The following MYO1D variants were observed in gnomAD, a reference collection of about 807,000 sequenced individuals.
The protein encoded by MYO1D is myosin ID.
Under a neutral mutation model 122.0 loss-of-function variants are expected in MYO1D, and 83 were observed. That is an observed-to-expected ratio of 0.68 (90% confidence interval 0.57 to 0.82). The LOEUF is 0.82. MYO1D is among the 40% of genes least tolerant of loss of function. The pLI, the probability that MYO1D is intolerant of heterozygous loss-of-function variation, is 0.00. For missense variants in MYO1D, 1,157 were observed against 1,269.5 expected (o/e 0.91, Z 1.35); for synonymous variants, 464 against 446.9 (o/e 1.04, Z -0.48).
At chr17:32,538,867 G>A (rs1182027844) in intron 21 of MYO1D, among the ~76,000 whole-genome samples, 1 of 152,142 alleles carries the variant, frequency 6.6e-6, no homozygotes, top group Non-Finnish European at 1.5e-5. Flanking sequence ...AACACCGCAT[G>A]TTCTTGCTCA....
At chr17:32,524,235 T>A (rs1022254915) in intron 21 of MYO1D, among the ~76,000 whole-genome samples, 2 of 152,244 alleles carry the variant, frequency 1.3e-5, no homozygotes, top group Non-Finnish European at 2.9e-5. Context: ...ATCATTTTGC[T>A]TTTGTCTTTG....
intron 16 of MYO1D, among the ~76,000 whole-genome samples, chr17:32,681,698 G>T (rs2088919882): frequency 6.7e-6 from 1 of 149,656 alleles, no homozygotes; most frequent in Admixed American, 6.6e-5. Context: ...GAATAGGTGT[G>T]GTGTGGTGCT....
intron 21 of MYO1D, among the ~76,000 whole-genome samples, chr17:32,596,243 G>A (rs1261472427): frequency 6.6e-6 from 1 of 152,182 alleles, no homozygotes; most frequent in Non-Finnish European, 1.5e-5. Flanking sequence ...ATTAAAATGA[G>A]TGGCCAGGCA....
At chr17:32,688,654 T>C (rs2089053926) in intron 16 of MYO1D, among the ~76,000 whole-genome samples, 1 of 152,204 alleles carries the variant, frequency 6.6e-6, no homozygotes. Context: ...TGTCGTGCTA[T>C]GGCATCACAG....
At chr17:32,828,656 G>A (rs913953579) in intron 1 of MYO1D, among the ~76,000 whole-genome samples, 1 of 152,312 alleles carries the variant, frequency 6.6e-6, no homozygotes, top group East Asian at 1.9e-4. Flanking sequence ...CAGAGAGGGA[G>A]GGAGGGAAAA....
chr17:32,564,637 T>C (rs1280763677), intron 21 of MYO1D, among the ~76,000 whole-genome samples: 1 of 152,188 alleles, frequency 6.6e-6, no homozygotes, highest in Admixed American at 6.5e-5. Flanking sequence ...AATGAACTTG[T>C]GGTTTAATGG....
At chr17:32,606,915 T>C (rs1263495310) in intron 20 of MYO1D, among the ~76,000 whole-genome samples, 1 of 152,046 alleles carries the variant, frequency 6.6e-6, no homozygotes, top group Non-Finnish European at 1.5e-5. Flanking sequence ...ATCCCAGCAC[T>C]TTGGGAGGCT....
intron 16 of MYO1D, among the ~76,000 whole-genome samples, chr17:32,683,983 A>G (rs1433236221): frequency 2.6e-5 from 4 of 152,192 alleles, no homozygotes; most frequent in Admixed American, 6.5e-5. Flanking sequence ...GAAAAGCGCA[A>G]TATTCGGGTG....
intron 11 of MYO1D, among the ~76,000 whole-genome samples, chr17:32,754,988 T>C (rs1371501337): frequency 6.6e-6 from 1 of 152,246 alleles, no homozygotes; most frequent in Non-Finnish European, 1.5e-5. Context: ...ATTTAATGAA[T>C]AAGTTTCTCT....
intron 20 of MYO1D, among the ~76,000 whole-genome samples, chr17:32,637,931 A>G (rs895568656): frequency 1.3e-5 from 2 of 152,190 alleles, no homozygotes; most frequent in African/African-American, 4.8e-5. Flanking sequence ...TATGTTTCCT[A>G]TTCCCTCTTG....
At chr17:32,503,001 C>T (rs1384468810) in intron 21 of MYO1D, among the ~76,000 whole-genome samples, 2 of 152,158 alleles carry the variant, frequency 1.3e-5, no homozygotes, top group African/African-American at 2.4e-5. Flanking sequence ...ACTTTCATCT[C>T]GTTTCATCTG....
chr17:32,777,540 ACTATGTGCCAGCTGCTCCCCTAAATG>A (rs1364020652), intron 3 of MYO1D, among the ~76,000 whole-genome samples: 1 of 152,202 alleles, frequency 6.6e-6, no homozygotes, highest in African/African-American at 2.4e-5. Context: ...TTAAGCAAAT[ACTATGTGCCAGCTGCTCCCCTAAATG>A]CTGGGCCCCA....
At chr17:32,772,710 G>A in intron 5 of MYO1D, 79 bp downstream of exon 5, 2 of 1,222,054 alleles carry the variant, frequency 1.6e-6, no homozygotes, top group South Asian at 1.2e-5. Context: ...GCATAGGACA[G>A]GGGAAAGCCC....
chr17:32,675,587 T>C (rs2088795596), intron 16 of MYO1D, among the ~76,000 whole-genome samples: 1 of 152,186 alleles, frequency 6.6e-6, no homozygotes, highest in South Asian at 2.1e-4. Context: ...TCTATTACTG[T>C]TGAATCTATT....
intron 1 of MYO1D, among the ~76,000 whole-genome samples, chr17:32,858,165 G>A (rs1195166343): frequency 6.6e-6 from 1 of 152,256 alleles, no homozygotes; most frequent in East Asian, 1.9e-4. Context: ...AGAACCTAAT[G>A]AGTGAACCTT....
intron 1 of MYO1D, among the ~76,000 whole-genome samples, chr17:32,791,859 C>G (rs1457227691): frequency 6.6e-6 from 1 of 152,050 alleles, no homozygotes; most frequent in Admixed American, 6.5e-5. Context: ...AAGTGTTTCT[C>G]TCTCCTCTTT....
In MYO1D at chr17:32,710,477, A is replaced by G. The variant is rs114185241; in HGVS notation, c.2121+1511T>C. On this transcript the variant is annotated intron_variant, in intron 16 of 21. Transcript: ENST00000318217. ...TTAAAGACCTAAATGTGAAAGGTAA[A>G]ACCATACAGTTCATAGAAGAAAATA... Among the ~76,000 whole-genome samples the G allele has an allele frequency of 3.4e-3, 518 of 152,334 alleles. 5 individuals carry two copies. The highest frequency in any genetic ancestry group is 0.012 in the African/African-American group (487 of 41,582).
chr17:32,760,240 T>A, intron 10 of MYO1D, 50 bp downstream of exon 10: 1 of 1,397,518 alleles, frequency 7.2e-7, no homozygotes, highest in Non-Finnish European at 1.0e-6. Context: ...TTTGACATTA[T>A]CAATAATATG....
chr17:32,734,283 T>A (rs1398210859), intron 14 of MYO1D, among the ~76,000 whole-genome samples: 4 of 152,334 alleles, frequency 2.6e-5, no homozygotes, highest in African/African-American at 9.6e-5. Context: ...TCAAATTCAT[T>A]GGCATATAGT....
Sources: allele counts gnomAD v4.1 joint callset (sites outside exome capture counted in the v4.1 genomes callset), GRCh38; gene constraint gnomAD v4.1.1; transcripts MANE v1.5; gene names NCBI Gene and HGNC (gene_info 2026-07-23, HGNC 2026-07-21).